Variants in TRPC7 observed in about 807,000 individuals in gnomAD.
TRPC7 encodes short transient receptor potential channel 7.
In TRPC7, 42 loss-of-function variants were observed where a neutral mutation model predicts 90.1. The observed-to-expected ratio is 0.47, with a 90% CI of 0.36 to 0.60. TRPC7 has a LOEUF of 0.60. TRPC7 is among the 20% of genes least tolerant of loss of function. The pLI, the probability that TRPC7 is intolerant of heterozygous loss-of-function variation, is 0.00. For missense variants in TRPC7, 955 were observed against 1,112.3 expected (o/e 0.86, Z 2.01); for synonymous variants, 451 against 436.3 (o/e 1.03, Z -0.42).
chr5:136,316,391 G>A (rs892647386), intron 2 of TRPC7, among the ~76,000 whole-genome samples: 1 of 152,306 alleles, frequency 6.6e-6, no homozygotes, highest in Non-Finnish European at 1.5e-5. Flanking sequence ...TTGTGTGCCA[G>A]AAAATCGGCT....
chr5:136,359,144 T>G (rs1694421909), intron 1 of TRPC7, among the ~76,000 whole-genome samples: 1 of 152,198 alleles, frequency 6.6e-6, no homozygotes, highest in Non-Finnish European at 1.5e-5. Context: ...CTCCATTTAG[T>G]TTTCTGCTCA....
At chr5:136,264,394 T>C (rs1364355500) in intron 5 of TRPC7, among the ~76,000 whole-genome samples, 1 of 152,164 alleles carries the variant, frequency 6.6e-6, no homozygotes, top group Non-Finnish European at 1.5e-5. Context: ...ATCCAACATG[T>C]GAGTTTTTTC....
At chr5:136,235,978 G>C (rs951291760) in intron 7 of TRPC7, among the ~76,000 whole-genome samples, 21 of 152,196 alleles carry the variant, frequency 1.4e-4, no homozygotes, top group Non-Finnish European at 4.4e-5. Context: ...GCTTGTTTGA[G>C]TCTCAGTTTA....
chr5:136,352,811 T>C (rs1455519491), intron 2 of TRPC7, among the ~76,000 whole-genome samples: 1 of 152,174 alleles, frequency 6.6e-6, no homozygotes, highest in Non-Finnish European at 1.5e-5. Context: ...AAGCAAATGA[T>C]TGGGAACAGC....
chr5:136,294,024 A>G (rs1427004754), intron 3 of TRPC7, among the ~76,000 whole-genome samples: 2 of 152,212 alleles, frequency 1.3e-5, no homozygotes, highest in African/African-American at 2.4e-5. Context: ...AAACCTGAGA[A>G]AAACAAGCAA....
chr5:136,226,306 A>G, intron 8 of TRPC7, 51 bp from the exon 9 acceptor site: 1 of 1,352,782 alleles, frequency 7.4e-7, no homozygotes, highest in South Asian at 1.3e-5. Context: ...CGATTTAACA[A>G]CGGAGCCCAA....
At chr5:136,291,620 A>G (rs1757955856) in intron 3 of TRPC7, among the ~76,000 whole-genome samples, 1 of 152,254 alleles carries the variant, frequency 6.6e-6, no homozygotes, top group South Asian at 2.1e-4. Flanking sequence ...CACCCAATAC[A>G]GGAGCACCCA....
intron 5 of TRPC7, among the ~76,000 whole-genome samples, chr5:136,258,492 C>T (rs1756755703): frequency 6.6e-6 from 1 of 152,214 alleles, no homozygotes; most frequent in Non-Finnish European, 1.5e-5. Context: ...CTGCTCCCTA[C>T]ACTTGAGCCT....
intron 2 of TRPC7, among the ~76,000 whole-genome samples, chr5:136,329,114 A>G (rs1160375563): frequency 6.6e-6 from 1 of 152,262 alleles, no homozygotes; most frequent in Non-Finnish European, 1.5e-5. Flanking sequence ...TGAGGGGCCC[A>G]TAGCACATTG....
At chr5:136,315,824 G>C in intron 2 of TRPC7, 45 bp from the exon 3 acceptor site, 2 of 1,579,016 alleles carry the variant, frequency 1.3e-6, no homozygotes, top group East Asian at 4.5e-5. Context: ...ATGGAGGCCC[G>C]CAGATTGGCT....
chr5:136,364,493 C>A (rs1342714636), intron 1 of TRPC7, among the ~76,000 whole-genome samples: 1 of 152,142 alleles, frequency 6.6e-6, no homozygotes, highest in Non-Finnish European at 1.5e-5. Flanking sequence ...GACCCACCAG[C>A]AGGTGGCATT....
rs1756367187 is a variant in TRPC7 at position 136,247,163 on chromosome 5, T to G, written c.1844+308A>C. ...TTTCCATTTATGAAATTTCCATTTATGAAATAATTCCTGATTGCTGAGAAT... is the reference window on the plus strand; with the variant it reads ...TTTCCATTTATGAAATTTCCATTTAGGAAATAATTCCTGATTGCTGAGAAT... On this transcript the variant is annotated intron_variant, in intron 7 of 11. Coordinates refer to ENST00000513104, the MANE Select transcript of TRPC7 (RefSeq NM_020389.3). This position sits in a 1 kb window ranked among gnomAD's most constrained non-coding sequence, Gnocchi z 4.2. Among the ~76,000 whole-genome samples the G allele has an allele frequency of 6.6e-6, 1 of 152,174 alleles. No individual in the cohort carries two copies. The highest frequency in any genetic ancestry group is 2.4e-5 in the African/African-American group (1 of 41,454).
chr5:136,335,486 C>T (rs1192989640), intron 2 of TRPC7, among the ~76,000 whole-genome samples: 1 of 152,024 alleles, frequency 6.6e-6, no homozygotes, highest in African/African-American at 2.4e-5. Context: ...CTCCCCATAC[C>T]CACAGGCATG....
chr5:136,326,454 C>T (rs2149844249), intron 2 of TRPC7, among the ~76,000 whole-genome samples: 1 of 152,190 alleles, frequency 6.6e-6, no homozygotes, highest in Admixed American at 6.5e-5. Flanking sequence ...CCTGTTGCTT[C>T]AATTTTTTCT....
intron 1 of TRPC7, among the ~76,000 whole-genome samples, chr5:136,359,153 C>T (rs1191642705): frequency 6.6e-6 from 1 of 152,196 alleles, no homozygotes; most frequent in African/African-American, 2.4e-5. Context: ...GTTTTCTGCT[C>T]ATTGTACCTT....
At chr5:136,333,397 T>C (rs1256359573) in intron 2 of TRPC7, among the ~76,000 whole-genome samples, 3 of 152,180 alleles carry the variant, frequency 2.0e-5, no homozygotes, top group African/African-American at 7.2e-5. Flanking sequence ...TGCAAGTAGA[T>C]GTATAGGTTG....
chr5:136,350,469 A>T (rs1415106271), intron 2 of TRPC7, among the ~76,000 whole-genome samples: 1 of 152,210 alleles, frequency 6.6e-6, no homozygotes, highest in Non-Finnish European at 1.5e-5. Context: ...GAGAAACATC[A>T]TCTAATTTTA....
chr5:136,327,766 A>G (rs1343576898), intron 2 of TRPC7, among the ~76,000 whole-genome samples: 1 of 152,224 alleles, frequency 6.6e-6, no homozygotes, highest in Non-Finnish European at 1.5e-5. Context: ...TGCTGGGCGC[A>G]CAAGTCACCT....
rs1370695934 is a variant in TRPC7 at position 136,365,392 on chromosome 5, G to C, written c.-138C>G. ...TGCTGAAGTATAGAGCTGGTCAAGTGAGTTAAGTTGCAACGATGTGAAAGC... is the reference window on the plus strand; with the variant it reads ...TGCTGAAGTATAGAGCTGGTCAAGTCAGTTAAGTTGCAACGATGTGAAAGC... On this transcript the variant is annotated 5_prime_UTR_variant, in exon 1 of 12. Coordinates refer to ENST00000513104, the MANE Select transcript of TRPC7 (RefSeq NM_020389.3). 2.4e-5 allele frequency: 21 copies of C among 872,478 alleles called. No individual in the cohort carries two copies. The highest frequency in any genetic ancestry group is 3.4e-5 in the Non-Finnish European group (19 of 556,352). 54.0% of individuals were successfully genotyped at this position (872,478 alleles called of 1,614,324 possible). A position where few individuals can be genotyped will look rare whatever the true frequency, so the allele number is the denominator to read the frequency against.
Sources: allele counts gnomAD v4.1 joint callset (sites outside exome capture counted in the v4.1 genomes callset), GRCh38; gene constraint gnomAD v4.1.1; non-coding constraint Gnocchi (gnomAD v3.1); transcripts MANE v1.5; gene names NCBI Gene and HGNC (gene_info 2026-07-23, HGNC 2026-07-21).